RNLS: variants seen among roughly 807,000 people sequenced by gnomAD.
RNLS encodes renalase.
A neutral mutation model predicts 39.8 loss-of-function variants in RNLS; 39 were observed. That is an observed-to-expected ratio of 0.98 (90% CI 0.76 to 1.28). The LOEUF is 1.28. Among genes scored for constraint, RNLS ranks in the 50% most tolerant of loss-of-function variants. RNLS has a pLI of 0.00. For synonymous variants in RNLS, 147 were observed against 150.7 expected, an observed-to-expected ratio of 0.98 and a Z score of 0.18; for missense variants, 410 against 413.3, an observed-to-expected ratio of 0.99 and a Z score of 0.07.
At chr10:88,410,987 C>G (rs779816722) in intron 4 of RNLS, among the ~76,000 whole-genome samples, 2 of 152,118 alleles carry the variant, frequency 1.3e-5, no homozygotes, top group African/African-American at 2.4e-5. Flanking sequence ...CAACATCATT[C>G]TCCTCTTGGT....
chr10:88,527,476 G>A (rs527317575), intron 4 of RNLS, among the ~76,000 whole-genome samples: 1 of 152,198 alleles, frequency 6.6e-6, no homozygotes, highest in South Asian at 2.1e-4. Context: ...CCAGGGGGAG[G>A]GGCTACCTTT....
the RNLS span, among the ~76,000 whole-genome samples, chr10:88,237,230 C>T: frequency 7.1e-6 from 1 of 141,826 alleles, no homozygotes; most frequent in Admixed American, 7.0e-5. Flanking sequence ...CCCTCCCTCC[C>T]TCCCTCCCTC....
chr10:88,401,176 G>A (rs1178493213), intron 4 of RNLS, among the ~76,000 whole-genome samples: 1 of 151,770 alleles, frequency 6.6e-6, no homozygotes, highest in East Asian at 1.9e-4. Context: ...ATGCACTTCT[G>A]ATTATTCTGA....
At chr10:88,535,598 A>G (rs1847709030) in intron 4 of RNLS, among the ~76,000 whole-genome samples, 1 of 150,440 alleles carries the variant, frequency 6.6e-6, no homozygotes, top group South Asian at 2.2e-4. Flanking sequence ...TAAAAGTTGG[A>G]AAAAAAAAGA....
rs149366324 is a variant in RNLS at position 88,284,919 on chromosome 10, T to C, written c.*435A>G. ...TTGGAAAAATCTTGTTTTGTATAAT[T>C]TGCAAAAATATTGATTCAAGGACAC... On this transcript the variant is annotated 3_prime_UTR_variant, in exon 7 of 7. Transcript: ENST00000331772. The C allele has an allele frequency of 1.1e-4, 108 of 985,834 alleles. 3 individuals are homozygous for C. In the East Asian group the frequency reaches 7.9e-3, roughly 72 times the overall value. 61.1% of individuals were successfully genotyped at this position (985,834 alleles called of 1,614,324 possible). A position where few individuals can be genotyped will look rare whatever the true frequency, so the allele number is the denominator to read the frequency against.
rs201186240 is a variant in RNLS, at chr10:88,486,520, G to GA, written c.526+86382dup. 1.1e-3 allele frequency among the ~76,000 whole-genome samples: 169 copies of GA among 149,580 alleles called. 3 individuals are homozygous for GA. The East Asian group carries it at 0.02, about 18-fold the overall frequency. On this transcript the variant is annotated intron_variant, in intron 4 of 6. Transcript: ENST00000331772. Reference sequence around the variant, plus strand: ...GTAAGGAACTTAAACAAATTTACAAGAAAAAAAAACCATTAAAAAGTGGGA... The same window carrying GA: ...GTAAGGAACTTAAACAAATTTACAAGAAAAAAAAAACCATTAAAAAGTGGGA...
the RNLS span, among the ~76,000 whole-genome samples, chr10:88,203,334 ATACACG>A: frequency 1.2e-4 from 1 of 8,142 alleles, no homozygotes; most frequent in Non-Finnish European, 2.6e-4. Flanking sequence ...ATATATATAT[ATACACG>A]TATGTGTATA....
intron 4 of RNLS, among the ~76,000 whole-genome samples, chr10:88,560,370 A>C (rs1387891669): frequency 6.6e-6 from 1 of 152,076 alleles, no homozygotes; most frequent in Non-Finnish European, 1.5e-5. Context: ...AGCCACCAGG[A>C]AAAGGTGTTA....
At chr10:88,459,070 T>C (rs1044663052) in intron 4 of RNLS, among the ~76,000 whole-genome samples, 2 of 151,140 alleles carry the variant, frequency 1.3e-5, no homozygotes, top group African/African-American at 4.9e-5. Flanking sequence ...AACAGAAACA[T>C]ATGGTGTGGA....
At chr10:88,408,435 G>A (rs1853430791) in intron 4 of RNLS, among the ~76,000 whole-genome samples, 2 of 151,970 alleles carry the variant, frequency 1.3e-5, no homozygotes, top group Admixed American at 6.6e-5. Context: ...TAATGAATAA[G>A]TTTAGTGCCC....
chr10:88,230,771 A>G, the RNLS span, among the ~76,000 whole-genome samples: 1 of 152,350 alleles, frequency 6.6e-6, no homozygotes, highest in Non-Finnish European at 1.5e-5. Context: ...GTTGTGTGTC[A>G]GTGCTGTTCT....
At chr10:88,314,688 G>A in intron 5 of RNLS, 47 bp from the exon 6 acceptor site, 2 of 1,537,384 alleles carry the variant, frequency 1.3e-6, no homozygotes, top group Non-Finnish European at 8.9e-7. Context: ...GTGGGTAGCA[G>A]GCAAGCATCT....
chr10:88,286,105 C>G (rs190898607), intron 6 of RNLS, among the ~76,000 whole-genome samples: 1 of 152,238 alleles, frequency 6.6e-6, no homozygotes, highest in African/African-American at 2.4e-5. Flanking sequence ...GCCACCCACT[C>G]TATGGTATTT....
At chr10:88,400,135 T>C (rs1168133295) in intron 4 of RNLS, among the ~76,000 whole-genome samples, 1 of 152,038 alleles carries the variant, frequency 6.6e-6, no homozygotes, top group East Asian at 1.9e-4. Flanking sequence ...TAAAGATCTT[T>C]AACTTAATCA....
chr10:88,528,195 A>G (rs1681389626), intron 4 of RNLS, among the ~76,000 whole-genome samples: 1 of 152,134 alleles, frequency 6.6e-6, no homozygotes, highest in South Asian at 2.1e-4. Context: ...GAAAAAAAAG[A>G]AGTTAGAAAA....
At chr10:88,557,964 A>T (rs1030093754) in intron 4 of RNLS, among the ~76,000 whole-genome samples, 2 of 152,144 alleles carry the variant, frequency 1.3e-5, no homozygotes, top group African/African-American at 4.8e-5. Context: ...CTAAATGAAA[A>T]ATAGGGCTCC....
chr10:88,280,117 C>G (rs1345731446), downstream of RNLS, among the ~76,000 whole-genome samples: 1 of 152,162 alleles, frequency 6.6e-6, no homozygotes, highest in South Asian at 2.1e-4. Context: ...TCCTCCTCCC[C>G]CCTTTATGAT....
intron 4 of RNLS, among the ~76,000 whole-genome samples, chr10:88,462,703 C>T (rs538978806): frequency 6.6e-6 from 1 of 151,952 alleles, no homozygotes; most frequent in African/African-American, 2.4e-5. Context: ...TAATAACCTG[C>T]CTGTGGGGAA....
chr10:88,473,782 A>G (rs765589663), intron 4 of RNLS, among the ~76,000 whole-genome samples: 4 of 152,184 alleles, frequency 2.6e-5, no homozygotes, highest in Non-Finnish European at 4.4e-5. Flanking sequence ...ATTGCAATTG[A>G]CAGGTCAGGG....
Sources: gnomAD v4.1 joint callset for allele counts (sites outside exome capture counted in the v4.1 genomes callset) on GRCh38, gnomAD v4.1.1 for gene constraint, MANE v1.5 for transcripts, NCBI Gene and HGNC (gene_info 2026-07-23, HGNC 2026-07-21) for gene names.